SLC30A9: variants seen among roughly 807,000 people sequenced by gnomAD.
The protein encoded by SLC30A9 is proton-coupled zinc antiporter SLC30A9, mitochondrial.
In SLC30A9, 58 loss-of-function variants were observed where a neutral mutation model predicts 87.5. The observed-to-expected ratio is 0.66, with a 90% CI of 0.54 to 0.82. SLC30A9 has a LOEUF of 0.82. Ranked by LOEUF, SLC30A9 falls within the 40% of genes least tolerant of loss-of-function variation. The pLI is 0.00. For missense variants in SLC30A9, 557 were observed against 679.1 expected (o/e 0.82, Z 2.00); for synonymous variants, 234 against 233.0 (o/e 1.00, Z -0.04).
chr4:42,058,371 T>A (rs1717710669), intron 9 of SLC30A9, among the ~76,000 whole-genome samples: 1 of 152,184 alleles, frequency 6.6e-6, no homozygotes, highest in Non-Finnish European at 1.5e-5. Context: ...GCTGTCAGCA[T>A]TTTGGGCAAA....
intron 1 of SLC30A9, among the ~76,000 whole-genome samples, chr4:41,996,393 G>A (rs1052254962): frequency 3.3e-5 from 5 of 151,920 alleles, no homozygotes; most frequent in East Asian, 2.0e-4. Context: ...GCACCTGGCC[G>A]AAATTTGAGT....
At chr4:41,999,566 A>C (rs1037693421) in intron 1 of SLC30A9, among the ~76,000 whole-genome samples, 9 of 152,206 alleles carry the variant, frequency 5.9e-5, no homozygotes, top group Non-Finnish European at 1.0e-4. Flanking sequence ...TAGAACATAC[A>C]GAAGAATGGG....
At chr4:42,025,895 C>T (rs541305772) in intron 6 of SLC30A9, among the ~76,000 whole-genome samples, 10 of 152,196 alleles carry the variant, frequency 6.6e-5, no homozygotes, top group African/African-American at 2.2e-4. Context: ...CCTCGTCATC[C>T]GCCCACCTCA....
chr4:41,993,551 G>A (rs1714548807), intron 1 of SLC30A9, among the ~76,000 whole-genome samples: 1 of 152,098 alleles, frequency 6.6e-6, no homozygotes, highest in African/African-American at 2.4e-5. Flanking sequence ...ACTTTAAAGG[G>A]TTTTACTTCT....
intron 11 of SLC30A9, among the ~76,000 whole-genome samples, chr4:42,064,225 G>A (rs940460548): frequency 6.6e-6 from 1 of 152,166 alleles, no homozygotes; most frequent in African/African-American, 2.4e-5. Flanking sequence ...GTGGTCTAGA[G>A]GATGTGGAGC....
intron 16 of SLC30A9, among the ~76,000 whole-genome samples, chr4:42,076,643 GTTGATGGACATTTATA>G (rs1718560714): frequency 2.0e-5 from 3 of 152,064 alleles, no homozygotes; most frequent in Admixed American, 1.3e-4. Context: ...TTTGTCTCCA[GTTGATGGACATTTATA>G]TTACTGTTAG....
At chr4:42,041,675 A>T (rs1053651565) in intron 8 of SLC30A9, among the ~76,000 whole-genome samples, 3 of 152,196 alleles carry the variant, frequency 2.0e-5, no homozygotes, top group Admixed American at 2.0e-4. Context: ...GTTTAAGGCT[A>T]CAGTAAGCTG....
At chr4:42,082,201 A>G in intron 17 of SLC30A9, among the ~76,000 whole-genome samples, 1 of 150,954 alleles carries the variant, frequency 6.6e-6, no homozygotes, top group East Asian at 2.0e-4. Context: ...TGGGTGACAA[A>G]CCGAGACTCC....
chr4:42,053,970 G>GCA (rs917651289), intron 9 of SLC30A9, among the ~76,000 whole-genome samples: 4 of 152,168 alleles, frequency 2.6e-5, no homozygotes, highest in Non-Finnish European at 5.9e-5. Flanking sequence ...GAGGAAAGAG[G>GCA]CACAGGGAGC....
rs780375508 is a variant in SLC30A9, at chr4:42,018,179, A to G, written c.334+9A>G. On this transcript the variant is annotated intron_variant, in intron 3 of 17. Coordinates refer to ENST00000264451, the MANE Select transcript of SLC30A9 (RefSeq NM_006345.4). ...ACCTCTCCAAGTAAGAGGTAAATATATTTTATCCTATTTTTGTATTATAAA... is the reference window on the plus strand; with the variant it reads ...ACCTCTCCAAGTAAGAGGTAAATATGTTTTATCCTATTTTTGTATTATAAA... 1 of 1,449,698 alleles carries G rather than the reference A, an allele frequency of 6.9e-7. No homozygotes were observed. Among genetic ancestry groups the G allele is most frequent in the Admixed American group, 1.8e-5 (1 of 56,592 alleles). The allele number at this position is 1,449,698 out of a possible 1,614,324, so 89.8% of individuals were successfully genotyped here.
chr4:42,012,169 C>T (rs1421990910), intron 2 of SLC30A9, among the ~76,000 whole-genome samples: 1 of 152,132 alleles, frequency 6.6e-6, no homozygotes, highest in East Asian at 1.9e-4. Context: ...TTTGTAGAGA[C>T]ACCACAGATT....
intron 15 of SLC30A9, among the ~76,000 whole-genome samples, chr4:42,072,660 C>T (rs1435688494): frequency 6.6e-6 from 1 of 151,986 alleles, no homozygotes; most frequent in Non-Finnish European, 1.5e-5. Context: ...TGTTTTATGG[C>T]CTTACATATA....
intron 9 of SLC30A9, among the ~76,000 whole-genome samples, chr4:42,054,752 C>T (rs946461820): frequency 4.0e-5 from 6 of 151,856 alleles, no homozygotes; most frequent in African/African-American, 7.3e-5. Context: ...CCACCTGCCT[C>T]GGCCTCCCAA....
chr4:42,062,119 G>A (rs1316360109), intron 10 of SLC30A9, among the ~76,000 whole-genome samples: 1 of 150,842 alleles, frequency 6.6e-6, no homozygotes, highest in Non-Finnish European at 1.5e-5. Flanking sequence ...ATTTGTACTC[G>A]GGAGGTGGAG....
chr4:42,024,023 A>G (rs557889570), intron 6 of SLC30A9, among the ~76,000 whole-genome samples: 4 of 152,362 alleles, frequency 2.6e-5, no homozygotes, highest in South Asian at 2.1e-4. Flanking sequence ...GATTATGGCT[A>G]TTATAATTCG....
At chr4:42,079,278 C>A (rs1205261031) in intron 17 of SLC30A9, among the ~76,000 whole-genome samples, 1 of 151,788 alleles carries the variant, frequency 6.6e-6, no homozygotes, top group Admixed American at 6.6e-5. Context: ...AAAACATACA[C>A]CTATTTAATA....
At chr4:42,026,855 G>C (rs1175139134) in intron 6 of SLC30A9, among the ~76,000 whole-genome samples, 2 of 152,014 alleles carry the variant, frequency 1.3e-5, no homozygotes, top group African/African-American at 4.8e-5. Flanking sequence ...ACCAAAGAGA[G>C]CATAAAGGGT....
intron 9 of SLC30A9, among the ~76,000 whole-genome samples, chr4:42,052,748 G>A (rs998665554): frequency 1.3e-5 from 2 of 152,238 alleles, no homozygotes. Context: ...ATGGATCATA[G>A]TCCAAATATA....
chr4:42,021,539 C>T (rs948672533), intron 4 of SLC30A9, among the ~76,000 whole-genome samples: 1 of 152,192 alleles, frequency 6.6e-6, no homozygotes, highest in Non-Finnish European at 1.5e-5. Flanking sequence ...TTAGCAGTGA[C>T]TTGATGAATA....
Sources: allele counts gnomAD v4.1 joint callset (sites outside exome capture counted in the v4.1 genomes callset), GRCh38; gene constraint gnomAD v4.1.1; transcripts MANE v1.5; gene names NCBI Gene and HGNC (gene_info 2026-07-23, HGNC 2026-07-21).